GLDC: variants seen among roughly 807,000 people sequenced by gnomAD.
GLDC encodes the protein glycine decarboxylase, also known as glycine dehydrogenase (decarboxylating), mitochondrial.
Under a neutral mutation model 121.3 loss-of-function variants are expected in GLDC, and 104 were observed. That is an observed-to-expected ratio of 0.86 (90% confidence interval 0.73 to 1.01). The LOEUF (loss-of-function observed/expected upper bound fraction) is 1.01, where lower values mean the gene tolerates loss of function less well. Ranked by LOEUF, GLDC falls within the 50% of genes least tolerant of loss-of-function variation. The probability of loss-of-function intolerance (pLI) is 0.00; values close to 1 mark genes in which losing one functional copy is unlikely to be tolerated. For synonymous variants in GLDC, 546 were observed against 480.6 expected (o/e 1.14, Z -1.78); for missense variants, 1,429 against 1,306.6 (o/e 1.09, Z -1.44).
chr9:6,642,659 T>G (rs1819652311), intron 2 of GLDC, among the ~76,000 whole-genome samples: 1 of 152,136 alleles, frequency 6.6e-6, no homozygotes, highest in African/African-American at 2.4e-5. Flanking sequence ...AACCAAGAAC[T>G]AAACTAAAAA....
chr9:6,592,644 C>T (rs898006308), intron 10 of GLDC, among the ~76,000 whole-genome samples: 4 of 152,154 alleles, frequency 2.6e-5, no homozygotes, highest in South Asian at 4.1e-4. Context: ...CATATGAAAA[C>T]ACTAAGTCTA....
In GLDC at chr9:6,579,705, C is replaced by T. The variant is rs114688686; in HGVS notation, c.1850+7436G>A. Reference sequence around the variant, plus strand: ...TTTTAGTTGCAGAATGTCCTTTTTACTTAATACTGAATGTCAGCCAGCTCT... The same window carrying T: ...TTTTAGTTGCAGAATGTCCTTTTTATTTAATACTGAATGTCAGCCAGCTCT... On this transcript the variant is annotated intron_variant, in intron 15 of 24. Coordinates refer to ENST00000321612, the MANE Select transcript of GLDC (RefSeq NM_000170.3). Among the ~76,000 whole-genome samples, 306 of 152,208 alleles carry T rather than the reference C, an allele frequency of 2.0e-3. 1 individual carries two copies. The highest frequency in any genetic ancestry group is 6.6e-3 in the African/African-American group (275 of 41,526).
intron 2 of GLDC, among the ~76,000 whole-genome samples, chr9:6,622,480 G>C (rs993242035): frequency 6.6e-5 from 10 of 152,040 alleles, no homozygotes; most frequent in African/African-American, 2.4e-4. Context: ...CTAACCGCGA[G>C]TGATCCGCCA....
At chr9:6,619,145 G>GAAAAAAAAAAAAAAAAA (rs1563864174) in intron 3 of GLDC, among the ~76,000 whole-genome samples, 1 of 30,196 alleles carries the variant, frequency 3.3e-5, no homozygotes. Context: ...TCTGTCTCAG[G>GAAAAAAAAAAAAAAAAA]CAAAAAAAAA....
chr9:6,581,075 G>A (rs573358523), intron 15 of GLDC, among the ~76,000 whole-genome samples: 146 of 152,312 alleles, frequency 9.6e-4, no homozygotes, highest in African/African-American at 3.4e-3. Flanking sequence ...TTGGTTGAAA[G>A]ACAGCCCATA....
At chr9:6,590,561 C>A (rs1471953121) in intron 11 of GLDC, among the ~76,000 whole-genome samples, 1 of 152,320 alleles carries the variant, frequency 6.6e-6, no homozygotes, top group African/African-American at 2.4e-5. Context: ...GTGATGCCTG[C>A]TCCTCTTCCC....
chr9:6,561,625 G>A (rs1817761491), intron 16 of GLDC, among the ~76,000 whole-genome samples: 1 of 150,636 alleles, frequency 6.6e-6, no homozygotes. Context: ...CTCCAGCCTG[G>A]GTGACAGAGT....
At chr9:6,634,168 G>A (rs981503601) in intron 2 of GLDC, among the ~76,000 whole-genome samples, 2 of 151,848 alleles carry the variant, frequency 1.3e-5, no homozygotes, top group East Asian at 1.9e-4. Flanking sequence ...TGGAGGCTGC[G>A]GTAAGCCAGG....
intron 21 of GLDC, among the ~76,000 whole-genome samples, chr9:6,545,722 C>A (rs993039354): frequency 2.0e-5 from 3 of 152,064 alleles, no homozygotes; most frequent in East Asian, 1.9e-4. Flanking sequence ...CTCACTGCAG[C>A]CTCCTATTCC....
At chr9:6,582,486 G>T (rs867918213) in intron 15 of GLDC, among the ~76,000 whole-genome samples, 1 of 149,304 alleles carries the variant, frequency 6.7e-6, no homozygotes, top group Non-Finnish European at 1.5e-5. Flanking sequence ...GCGCCACTGC[G>T]CTCCAGGCTG....
chr9:6,555,900 G>A (rs563844813), intron 18 of GLDC, among the ~76,000 whole-genome samples: 2 of 152,300 alleles, frequency 1.3e-5, no homozygotes, highest in African/African-American at 4.8e-5. Context: ...TTCTTCAGAG[G>A]TTCACAGTAC....
intron 14 of GLDC, 24 bp from the exon 15 acceptor site, chr9:6,587,307 G>C: frequency 6.4e-7 from 1 of 1,561,726 alleles, no homozygotes; most frequent in Non-Finnish European, 8.8e-7. Context: ...AAACAAAAAT[G>C]CATATATACA....
At chr9:6,643,359 A>G (rs1264854391) in intron 2 of GLDC, among the ~76,000 whole-genome samples, 3 of 151,436 alleles carry the variant, frequency 2.0e-5, no homozygotes, top group African/African-American at 7.3e-5. Flanking sequence ...GCCAACCTGA[A>G]GCAGATAGGC....
At chr9:6,638,218 G>GTT (rs998469025) in intron 2 of GLDC, among the ~76,000 whole-genome samples, 4 of 142,964 alleles carry the variant, frequency 2.8e-5, no homozygotes, top group African/African-American at 1.0e-4. Flanking sequence ...TTTGTTTGTT[G>GTT]TTTTTTTTTT....
At chr9:6,630,490 A>C (rs1239655705) in intron 2 of GLDC, among the ~76,000 whole-genome samples, 3 of 152,074 alleles carry the variant, frequency 2.0e-5, no homozygotes, top group Non-Finnish European at 4.4e-5. Context: ...TTGGCAAGAC[A>C]CTAGGAAAAG....
At chr9:6,576,475 A>AT (rs1299592468) in intron 15 of GLDC, among the ~76,000 whole-genome samples, 2 of 151,554 alleles carry the variant, frequency 1.3e-5, no homozygotes, top group Non-Finnish European at 2.9e-5. Context: ...TCTTCTTCTT[A>AT]TTTTTTTTGA....
rs1024267493 is a variant in GLDC, at chr9:6,582,061, A to G, written c.1850+5080T>C. 4.6e-5 allele frequency among the ~76,000 whole-genome samples: 7 copies of G among 151,760 alleles called. No homozygotes were observed. The East Asian group carries it at 1.4e-3, about 30-fold the overall frequency. ...GAAACCCGATCTCCACTAAAAATAC[A>G]AAAACTAGTCAGGTGTGGTAGCGGG... On this transcript the variant is annotated intron_variant, in intron 15 of 24. Coordinates refer to ENST00000321612, the MANE Select transcript of GLDC (RefSeq NM_000170.3).
intron 2 of GLDC, among the ~76,000 whole-genome samples, chr9:6,637,461 T>C (rs1448945481): frequency 6.6e-6 from 1 of 152,118 alleles, no homozygotes; most frequent in Non-Finnish European, 1.5e-5. Flanking sequence ...TTGTTTTGTC[T>C]TGTTTTTTGA....
chr9:6,644,925 C>T (rs10975711), intron 1 of GLDC: 7 of 619,548 alleles, frequency 1.1e-5, no homozygotes, highest in Admixed American at 5.6e-5. Context: ...CGGAGCTAAC[C>T]GGTAAGCCCA....
Sources: gnomAD v4.1 joint callset for allele counts (sites outside exome capture counted in the v4.1 genomes callset) on GRCh38, gnomAD v4.1.1 for gene constraint, MANE v1.5 for transcripts, NCBI Gene and HGNC (gene_info 2026-07-23, HGNC 2026-07-21) for gene names.